Variants in ITGB4 observed in about 807,000 individuals in gnomAD.
ITGB4 encodes integrin beta-4.
ITGB4 carries 159 observed loss-of-function variants against 207.6 expected under a neutral mutation model. The observed-to-expected ratio is 0.77, with a 90% CI of 0.67 to 0.87. The LOEUF (loss-of-function observed/expected upper bound fraction) is 0.87, where lower values mean the gene tolerates loss of function less well. Among genes scored for constraint, ITGB4 ranks in the 40% least tolerant of loss-of-function variants. The probability of loss-of-function intolerance (pLI) is 0.00; values close to 1 mark genes in which losing one functional copy is unlikely to be tolerated. For synonymous variants in ITGB4, 1,020 were observed against 1,062.7 expected (o/e 0.96, Z 0.78); for missense variants, 2,278 against 2,546.8 (o/e 0.89, Z 2.27).
chr17:75,754,956 G>GTATA, intron 34 of ITGB4, 141 bp downstream of exon 34: 1 of 1,198,702 alleles, frequency 8.3e-7, no homozygotes, highest in Non-Finnish European at 1.2e-6. Flanking sequence ...GCACACACGT[G>GTATA]CACACGCATG....
At chr17:75,744,277 C>T (rs1420695457) in intron 26 of ITGB4, among the ~76,000 whole-genome samples, 2 of 151,860 alleles carry the variant, frequency 1.3e-5, no homozygotes, top group South Asian at 2.1e-4. Context: ...TGTGCCACCA[C>T]GCATGTCTAA....
rs757422488 is a variant in ITGB4, at chr17:75,752,246, G to A, written c.3866G>A (p.Arg1289Gln). 1.9e-5 allele frequency: 30 copies of A among 1,613,558 alleles called. No individual in the cohort carries two copies. Among genetic ancestry groups the A allele is most frequent in the Middle Eastern group, 3.3e-4 (2 of 6,084 alleles). ...CGGATGCTGCTTATTGAGAACCTTC[G>A]GGAGTCCCAGCCCTACCGCTACACG... ...KNRMLLIENL[R>Q]ESQPYRYTVK... is the part of the protein sequence containing the mutation. Residue 1289 changes from arginine (R) to glutamine (Q), a missense_variant, in exon 31 of 40, where the codon CGG becomes CAG. Transcript: ENST00000200181.
chr17:75,746,071 C>T (rs2061226284), intron 26 of ITGB4, among the ~76,000 whole-genome samples: 1 of 152,012 alleles, frequency 6.6e-6, no homozygotes, highest in Non-Finnish European at 1.5e-5. Context: ...CATAAAAATT[C>T]CAAAGAATAA....
rs1397935511 is a variant in ITGB4 at position 75,736,613 on chromosome 17, G to A, written c.1909G>A (p.Ala637Thr). The A allele has an allele frequency of 6.2e-7, 1 of 1,603,680 alleles. No individual in the cohort carries two copies. Among genetic ancestry groups the A allele is most frequent in the African/African-American group, 1.3e-5 (1 of 74,912 alleles). The change falls in exon 16 of 40, where the codon GCG becomes ACG. Residue 637 changes from alanine to threonine, a missense_variant. Coordinates refer to ENST00000200181, the MANE Select transcript of ITGB4 (RefSeq NM_000213.5). ...CCTACGCTCCTGCGTGCAGTGCCAG[G>A]CGTGGGGCACCGGCGAGAAGAAGGG... ...EDLRSCVQCQ[A>T]WGTGEKKGRT...
In ITGB4 at chr17:75,755,709, C is replaced by G. The variant is rs1291404509; in HGVS notation, c.4567C>G (p.Leu1523Val). 1 of 1,612,868 alleles carries G rather than the reference C, an allele frequency of 6.2e-7. No homozygotes were observed. The highest frequency in any genetic ancestry group is 8.5e-7 in the Non-Finnish European group (1 of 1,179,960). Residue 1523 changes from leucine to valine, a missense_variant, in exon 35 of 40, where the codon CTG becomes GTG. By Grantham distance (32) the Leu-to-Val change is conservative. Coordinates refer to ENST00000200181, the MANE Select transcript of ITGB4 (RefSeq NM_000213.5). ...LTSVSSHDSR[L>V]TAGVPDTPTR... Reference sequence around the variant, plus strand: ...CGGCCTCCTGTCCCCAGACTCTCGCCTGACTGCTGGTGTGCCCGACACGCC... The same window carrying G: ...CGGCCTCCTGTCCCCAGACTCTCGCGTGACTGCTGGTGTGCCCGACACGCC...
Position 75,740,659 on chromosome 17 carries a change from G to A in ITGB4, c.2551-134G>A. Reference sequence around the variant, plus strand: ...GGCCAGAGCCTGGGCCCAGGATGCTGCCCCACGGGGCATGCCCCAGCCAAC... The same window carrying A: ...GGCCAGAGCCTGGGCCCAGGATGCTACCCCACGGGGCATGCCCCAGCCAAC... On this transcript the variant is annotated intron_variant, in intron 21 of 39. Transcript: ENST00000200181. This position sits in a 1 kb window ranked among gnomAD's most constrained non-coding sequence, Gnocchi z 5.9. 1.8e-6 allele frequency: 2 copies of A among 1,099,016 alleles called. No individual in the cohort carries two copies. The highest frequency in any genetic ancestry group is 2.4e-5 in the East Asian group (1 of 40,962). 68.1% of individuals were successfully genotyped at this position (1,099,016 alleles called of 1,614,324 possible). A position where few individuals can be genotyped will look rare whatever the true frequency, so the allele number is the denominator to read the frequency against.
Position 75,730,347 on chromosome 17 carries a change from G to A in ITGB4, c.845G>A (p.Ser282Asn). ...GCCAACGTGCTGGCTGGCATCATGA[G>A]CCGCAACGATGAACGGTGCCACCTG... ...DGANVLAGIM[S>N]RNDERCHLDT... The change falls in exon 8 of 40, where the codon AGC becomes AAC. Residue 282 changes from serine to asparagine, a missense_variant. Coordinates refer to ENST00000200181, the MANE Select transcript of ITGB4 (RefSeq NM_000213.5). 6.2e-7 allele frequency: 1 copy of A among 1,613,886 alleles called. No homozygotes were observed. The highest frequency in any genetic ancestry group is 8.5e-7 in the Non-Finnish European group (1 of 1,180,026).
At chr17:75,734,216 A>G (rs1402818990) in intron 13 of ITGB4, among the ~76,000 whole-genome samples, 1 of 139,888 alleles carries the variant, frequency 7.1e-6, no homozygotes, top group Non-Finnish European at 1.5e-5. Context: ...GGCTCACTGC[A>G]ACCTCTGCCT....
chr17:75,750,605 A>C lies in ITGB4; in HGVS notation c.3475-75A>C. On this transcript the variant is annotated intron_variant, in intron 28 of 39. Coordinates refer to ENST00000200181, the MANE Select transcript of ITGB4 (RefSeq NM_000213.5). This position sits in a 1 kb window ranked among gnomAD's most constrained non-coding sequence, Gnocchi z 5.5. Reference sequence around the variant, plus strand: ...TCTGTGCAAAGAGGACAGTAAGGGCAGAGGTCAGAGGAGGGACAGGCAGCT... The same window carrying C: ...TCTGTGCAAAGAGGACAGTAAGGGCCGAGGTCAGAGGAGGGACAGGCAGCT... 1 of 1,323,210 alleles carries C rather than the reference A, an allele frequency of 7.6e-7. No individual in the cohort carries two copies. The highest frequency in any genetic ancestry group is 1.4e-5 in the African/African-American group (1 of 68,970). The allele number at this position is 1,323,210 out of a possible 1,614,324, so 82.0% of individuals were successfully genotyped here. A position where few individuals can be genotyped will look rare whatever the true frequency, so the allele number is the denominator to read the frequency against.
Position 75,740,747 on chromosome 17 carries a change from A to G in ITGB4, c.2551-46A>G. The G allele has an allele frequency of 6.2e-7, 1 of 1,605,818 alleles. No individual in the cohort carries two copies. Among genetic ancestry groups the G allele is most frequent in the Non-Finnish European group, 8.5e-7 (1 of 1,174,610 alleles). ...TGGGTCCCCAGCCTGAGGGCTTGCC[A>G]CGGGGTGGCCTAGGCCCAGCCTCAC... On this transcript the variant is annotated intron_variant, in intron 21 of 39. Coordinates refer to ENST00000200181, the MANE Select transcript of ITGB4 (RefSeq NM_000213.5). The surrounding 1 kb of genome is among the most constrained non-coding windows in gnomAD (Gnocchi z 5.9).
chr17:75,733,797 G>T, intron 13 of ITGB4, 105 bp downstream of exon 13: 1 of 1,273,998 alleles, frequency 7.8e-7, no homozygotes, highest in Non-Finnish European at 1.1e-6. Flanking sequence ...CTTGGAATCA[G>T]AATCCCCAAG....
At chr17:75,741,078 T>A (rs929917628) in intron 23 of ITGB4, 73 bp downstream of exon 23, 1 of 1,538,384 alleles carries the variant, frequency 6.5e-7, no homozygotes, top group East Asian at 2.3e-5. Context: ...CACTGCCTCG[T>A]CCGTCCCTAC....
Position 75,746,710 on chromosome 17 carries a change from C to T in ITGB4, c.3112-2131C>T, listed in dbSNP as rs139571763. Reference sequence around the variant, plus strand: ...ATCCCAGCACTTTGGGAGGCCAGGGCGGGCAGATCGCTTGAGATCAGGAGT... The same window carrying T: ...ATCCCAGCACTTTGGGAGGCCAGGGTGGGCAGATCGCTTGAGATCAGGAGT... On this transcript the variant is annotated intron_variant, in intron 26 of 39. Transcript: ENST00000200181. Among the ~76,000 whole-genome samples the T allele has an allele frequency of 9.8e-4, 148 of 151,238 alleles. 3 individuals carry two copies. In the East Asian group the frequency reaches 0.027, roughly 27 times the overall value.
At position 75,752,300 on chromosome 17, in the gene ITGB4, G is replaced by T; in HGVS notation, c.3920G>T (p.Gly1307Val). The T allele has an allele frequency of 6.2e-7, 1 of 1,613,184 alleles. No homozygotes were observed. The change falls in exon 31 of 40, where the codon GGG (glycine) becomes GTG (valine). Residue 1307 changes from glycine (G) to valine (V), a missense_variant. Transcript: ENST00000200181. Reference protein sequence around the residue: ...TVKARNGAGWGPEREAIINLA... With the variant: ...TVKARNGAGWVPEREAIINLA... ...AAGGCGCGCAACGGGGCCGGCTGGGGGCCTGAGCGGGAGGCCATCATCAAC... is the reference window on the plus strand; with the variant it reads ...AAGGCGCGCAACGGGGCCGGCTGGGTGCCTGAGCGGGAGGCCATCATCAAC...
At position 75,736,036 on chromosome 17, in the gene ITGB4, T is replaced by C; in HGVS notation, c.1658-15T>C. 1.2e-6 allele frequency: 2 copies of C among 1,612,678 alleles called. No homozygotes were observed. The highest frequency in any genetic ancestry group is 2.2e-5 in the South Asian group (2 of 91,066). On this transcript the variant is annotated splice_polypyrimidine_tract_variant and intron_variant, in intron 13 of 39. Coordinates refer to ENST00000200181, the MANE Select transcript of ITGB4 (RefSeq NM_000213.5). ...AGATGTAGCTCTCATCTCCCTTCCT[T>C]GTCCCTCTCTGCAGACCGAGGACGC...
Position 75,736,549 on chromosome 17 carries a change from G to A in ITGB4, c.1861-16G>A, listed in dbSNP as rs369355211. The A allele has an allele frequency of 2.6e-5, 41 of 1,589,448 alleles. No individual in the cohort carries two copies. Among genetic ancestry groups the A allele is most frequent in the African/African-American group, 5.4e-5 (4 of 74,702 alleles). On this transcript the variant is annotated splice_polypyrimidine_tract_variant and intron_variant, in intron 15 of 39. Transcript: ENST00000200181. ...ACCCAACACAGTGCCTGTCTGCCCCGCCTTTCCCCGCCAAGATCCACCCGG... is the reference window on the plus strand; with the variant it reads ...ACCCAACACAGTGCCTGTCTGCCCCACCTTTCCCCGCCAAGATCCACCCGG...
intron 13 of ITGB4, among the ~76,000 whole-genome samples, chr17:75,735,415 T>TTC (rs200970539): frequency 0.053 from 7,285 of 137,092 alleles, 215 homozygotes; most frequent in Non-Finnish European, 0.083. Context: ...TTCTTTTCTT[T>TTC]TTTTTTTTTT....
chr17:75,745,771 C>G (rs570011627), intron 26 of ITGB4, among the ~76,000 whole-genome samples: 1 of 151,966 alleles, frequency 6.6e-6, no homozygotes, highest in Admixed American at 6.6e-5. Context: ...CCCAGCTACC[C>G]GGGAGGCCGA....
At position 75,753,842 on chromosome 17, in the gene ITGB4, C is replaced by G; in HGVS notation, c.4186C>G (p.Leu1396Val). The change falls in exon 33 of 40, where the codon CTC becomes GTC. Residue 1396 changes from leucine (L) to valine (V), a missense_variant. By Grantham distance (32) the Leu-to-Val change is conservative. Transcript: ENST00000200181. ...RRVTWRLPPE[L>V]IPRLSASSGR... ...CGTCACGTGGCGGCTGCCCCCGGAG[C>G]TCATCCCGCGCCTGTCGGCCAGCAG... The G allele has an allele frequency of 7.0e-7, 1 of 1,433,100 alleles. No homozygotes were observed. The allele number at this position is 1,433,100 out of a possible 1,614,324, so 88.8% of individuals were successfully genotyped here.
Sources: allele counts gnomAD v4.1 joint callset (sites outside exome capture counted in the v4.1 genomes callset), GRCh38; gene constraint gnomAD v4.1.1; non-coding constraint Gnocchi (gnomAD v3.1); transcripts MANE v1.5; gene names NCBI Gene and HGNC (gene_info 2026-07-23, HGNC 2026-07-21).